Variants in RAD51B observed in about 807,000 individuals in gnomAD.
RAD51B encodes DNA repair protein RAD51 homolog 2.
A neutral mutation model predicts 42.2 loss-of-function variants in RAD51B; 38 were observed. That is an observed-to-expected ratio of 0.90 (90% confidence interval 0.70 to 1.18). The LOEUF (loss-of-function observed/expected upper bound fraction) is 1.18, where lower values mean the gene tolerates loss of function less well. Ranked by LOEUF, RAD51B falls within the 50% of genes most tolerant of loss-of-function variation. The pLI, the probability that RAD51B is intolerant of heterozygous loss-of-function variation, is 0.00. For missense variants in RAD51B, 373 were observed against 400.7 expected (o/e 0.93, Z 0.59); for synonymous variants, 154 against 145.2 (o/e 1.06, Z -0.43).
At chr14:68,244,172 C>T (rs897355168) in intron 7 of RAD51B, among the ~76,000 whole-genome samples, 1 of 151,976 alleles carries the variant, frequency 6.6e-6, no homozygotes, top group Non-Finnish European at 1.5e-5. Context: ...AATGGCCTAC[C>T]TACTATATAA....
chr14:68,431,922 A>G (rs1272459876), intron 9 of RAD51B, among the ~76,000 whole-genome samples: 2 of 152,154 alleles, frequency 1.3e-5, no homozygotes, highest in Admixed American at 1.3e-4. Context: ...CCTGCTTTAA[A>G]TGTGTCCCAG....
intron 7 of RAD51B, among the ~76,000 whole-genome samples, chr14:67,899,887 G>T (rs1186651544): frequency 6.6e-6 from 1 of 152,234 alleles, no homozygotes; most frequent in East Asian, 1.9e-4. Context: ...TGGCTAGTAA[G>T]TGGAAGGGCT....
At chr14:68,348,008 T>C (rs901326467) in intron 8 of RAD51B, among the ~76,000 whole-genome samples, 6 of 151,980 alleles carry the variant, frequency 3.9e-5, no homozygotes, top group Non-Finnish European at 8.8e-5. Context: ...AGTCAAGAAA[T>C]GAAAAGTGCT....
At chr14:68,338,031 A>G (rs902330660) in intron 8 of RAD51B, among the ~76,000 whole-genome samples, 4 of 152,020 alleles carry the variant, frequency 2.6e-5, no homozygotes, top group East Asian at 3.9e-4. Context: ...GGTTCAAGCA[A>G]TCCTCCTGCC....
At chr14:68,570,912 CAT>C (rs1405513592) in intron 10 of RAD51B, among the ~76,000 whole-genome samples, 2 of 151,980 alleles carry the variant, frequency 1.3e-5, no homozygotes, top group South Asian at 2.1e-4. Context: ...CACACACACA[CAT>C]GCACACACAC....
intron 10 of RAD51B, among the ~76,000 whole-genome samples, chr14:68,520,017 G>A (rs1400309859): frequency 6.6e-6 from 1 of 152,208 alleles, no homozygotes; most frequent in Non-Finnish European, 1.5e-5. Context: ...TGAGGGAGTG[G>A]TTTAGACGGG....
downstream of RAD51B, among the ~76,000 whole-genome samples, chr14:68,612,871 G>T (rs1296785934): frequency 1.3e-5 from 2 of 151,592 alleles, no homozygotes; most frequent in African/African-American, 4.8e-5. Flanking sequence ...GGAAGGGGGA[G>T]GGAGAGAGGG....
At chr14:68,493,602 C>T (rs547914192) in intron 10 of RAD51B, among the ~76,000 whole-genome samples, 7 of 152,348 alleles carry the variant, frequency 4.6e-5, no homozygotes, top group South Asian at 2.1e-4. Context: ...TGAAGTGTCA[C>T]GCGTCAGCTA....
chr14:68,077,420 T>C (rs2076851200), intron 7 of RAD51B, among the ~76,000 whole-genome samples: 1 of 152,240 alleles, frequency 6.6e-6, no homozygotes. Flanking sequence ...GCTTAGGTTT[T>C]ACTTTGGAAG....
intron 7 of RAD51B, among the ~76,000 whole-genome samples, chr14:67,902,355 C>T (rs1234782054): frequency 6.6e-6 from 1 of 152,064 alleles, no homozygotes; most frequent in Non-Finnish European, 1.5e-5. Context: ...AATTCTGAAG[C>T]ACTACGTAAC....
At chr14:68,284,083 G>A (rs527732939) in intron 7 of RAD51B, among the ~76,000 whole-genome samples, 1 of 152,192 alleles carries the variant, frequency 6.6e-6, no homozygotes, top group East Asian at 1.9e-4. Context: ...TCTTCTTTAG[G>A]GGCTCCCCTA....
At chr14:68,246,107 C>T (rs770687906) in intron 7 of RAD51B, among the ~76,000 whole-genome samples, 15 of 152,130 alleles carry the variant, frequency 9.9e-5, no homozygotes, top group Admixed American at 5.2e-4. Context: ...TCCCTAAACA[C>T]TCCCCAGGAA....
At chr14:68,525,130 CAA>C (rs1400756927) in intron 10 of RAD51B, among the ~76,000 whole-genome samples, 1 of 152,172 alleles carries the variant, frequency 6.6e-6, no homozygotes, top group Non-Finnish European at 1.5e-5. Context: ...GCAGAAAACT[CAA>C]TGTCAGTAAA....
At chr14:68,482,021 G>GAC (rs1309312043), downstream of RAD51B, among the ~76,000 whole-genome samples, 1 of 152,150 alleles carries the variant, frequency 6.6e-6, no homozygotes, top group Non-Finnish European at 1.5e-5. Context: ...AAGAAAGAAG[G>GAC]ACACAGGTAG....
chr14:68,354,505 G>T lies in RAD51B; in HGVS notation c.854-56919G>T, dbSNP rs1172976079. On this transcript the variant is annotated intron_variant, in intron 8 of 10. Transcript: ENST00000471583. ...TGGGATTACAGGCGTGAGCCACCGC[G>T]CCTGGCCCCAATAATGTTTTAAACG... is the stretch of plus-strand genomic sequence containing the variant. Among the ~76,000 whole-genome samples the T allele has an allele frequency of 2.0e-5, 3 of 151,146 alleles. No homozygotes were observed. In the South Asian group the frequency reaches 6.5e-4, roughly 33 times the overall value.
chr14:68,541,434 C>G, intron 10 of RAD51B: 1 of 985,400 alleles, frequency 1.0e-6, no homozygotes, highest in Non-Finnish European at 1.2e-6. Context: ...GCATCAGAAT[C>G]AATTAATCAT....
chr14:68,589,456 C>A (rs536904586), intron 10 of RAD51B, among the ~76,000 whole-genome samples: 13 of 152,262 alleles, frequency 8.5e-5, no homozygotes, highest in African/African-American at 2.6e-4. Flanking sequence ...ACACTCAAAA[C>A]GGCTATCACA....
At chr14:68,438,566 A>T (rs1431006384) in intron 9 of RAD51B, among the ~76,000 whole-genome samples, 1 of 152,098 alleles carries the variant, frequency 6.6e-6, no homozygotes, top group Non-Finnish European at 1.5e-5. Context: ...ATCAGAAATG[A>T]TTTCTTATAA....
At chr14:68,246,840 C>T (rs565088538) in intron 7 of RAD51B, among the ~76,000 whole-genome samples, 1 of 152,226 alleles carries the variant, frequency 6.6e-6, no homozygotes, top group African/African-American at 2.4e-5. Context: ...TTTTGAAAGG[C>T]CAGGTAGGTG....
Sources: allele counts gnomAD v4.1 joint callset (sites outside exome capture counted in the v4.1 genomes callset), GRCh38; gene constraint gnomAD v4.1.1; transcripts MANE v1.5; gene names NCBI Gene and HGNC (gene_info 2026-07-23, HGNC 2026-07-21).